Variants in FAM167A observed in about 807,000 individuals in gnomAD.
FAM167A encodes the protein protein FAM167A.
A neutral mutation model predicts 14.9 loss-of-function variants in FAM167A; 23 were observed. That is an observed-to-expected ratio of 1.55 (90% CI 1.11 to 2.19). The LOEUF is 2.19. FAM167A is among the 30% of genes most tolerant of loss of function. FAM167A has a pLI of 0.00. For missense variants in FAM167A, 401 were observed against 281.5 expected, an observed-to-expected ratio of 1.42 and a Z score of -3.04; for synonymous variants, 174 against 117.7, an observed-to-expected ratio of 1.48 and a Z score of -3.10.
At chr8:11,439,557 T>G (rs1456145148) in intron 2 of FAM167A, among the ~76,000 whole-genome samples, 3 of 134,352 alleles carry the variant, frequency 2.2e-5, no homozygotes, top group African/African-American at 7.4e-5. Flanking sequence ...TGAAAACTTG[T>G]CAAGGTTCTC....
At chr8:11,461,930 G>A (rs1008310042) in intron 1 of FAM167A, among the ~76,000 whole-genome samples, 1 of 152,212 alleles carries the variant, frequency 6.6e-6, no homozygotes, top group Admixed American at 6.5e-5. Context: ...GACCTCTCAG[G>A]GGCTAGAAGG....
intron 2 of FAM167A, among the ~76,000 whole-genome samples, chr8:11,441,377 T>C (rs1272400126): frequency 1.3e-5 from 2 of 152,238 alleles, no homozygotes; most frequent in African/African-American, 4.8e-5. Flanking sequence ...CCTTAGAGCT[T>C]GTTGGAAATT....
At chr8:11,446,541 C>A (rs66934548) in intron 1 of FAM167A, 23,337 of 152,188 alleles carry the variant, frequency 0.15, 2,116 homozygotes, top group Non-Finnish European at 0.21. Context: ...GAACCACTGT[C>A]TCCAGATGCA....
chr8:11,435,762 T>G (rs554933295), intron 2 of FAM167A, among the ~76,000 whole-genome samples: 1 of 152,348 alleles, frequency 6.6e-6, no homozygotes, highest in East Asian at 1.9e-4. Flanking sequence ...CCTCATCTGC[T>G]ACATGAGCAT....
intron 2 of FAM167A, chr8:11,438,603 A>G (rs1027140413): frequency 9.3e-6 from 4 of 428,306 alleles, no homozygotes; most frequent in Non-Finnish European, 1.8e-5. Context: ...AAACTATAAA[A>G]AAGTCAAAAG....
At chr8:11,467,197 C>A (rs1807810231), upstream of FAM167A, among the ~76,000 whole-genome samples, 2 of 152,240 alleles carry the variant, frequency 1.3e-5, no homozygotes, top group South Asian at 4.1e-4. Flanking sequence ...CGCCCCCCAA[C>A]GACCCAGCAG....
intron 2 of FAM167A, among the ~76,000 whole-genome samples, chr8:11,437,312 G>T (rs985042271): frequency 1.3e-5 from 2 of 152,180 alleles, no homozygotes; most frequent in Admixed American, 6.5e-5. Flanking sequence ...TGTGGCTACT[G>T]AATGATGTGA....
chr8:11,457,607 G>C (rs1269584093), intron 1 of FAM167A, among the ~76,000 whole-genome samples: 1 of 152,160 alleles, frequency 6.6e-6, no homozygotes, highest in Non-Finnish European at 1.5e-5. Context: ...ACTCAGAGCA[G>C]TGCCCGGCAC....
intron 1 of FAM167A, among the ~76,000 whole-genome samples, chr8:11,466,124 T>C (rs1184671416): frequency 6.6e-6 from 1 of 151,826 alleles, no homozygotes; most frequent in Non-Finnish European, 1.5e-5. Flanking sequence ...TTCCCTCAGG[T>C]CACACTGGCT....
intron 2 of FAM167A, among the ~76,000 whole-genome samples, chr8:11,436,148 G>A (rs1013213489): frequency 1.3e-5 from 2 of 152,216 alleles, no homozygotes; most frequent in Non-Finnish European, 2.9e-5. Context: ...GTTGGGTAGG[G>A]CTGTGTTATT....
At chr8:11,429,165 G>A (rs1479783720) in intron 2 of FAM167A, among the ~76,000 whole-genome samples, 1 of 152,068 alleles carries the variant, frequency 6.6e-6, no homozygotes, top group Non-Finnish European at 1.5e-5. Context: ...TCTACTTTCT[G>A]TCTGTATGAC....
rs555254008 is a variant in FAM167A, at chr8:11,424,277, C to G, written c.*96G>C. On this transcript the variant is annotated 3_prime_UTR_variant, in exon 3 of 3. Coordinates refer to ENST00000284486, the MANE Select transcript of FAM167A (RefSeq NM_053279.3). ...CGCCAGTCCCAGGGACCCCTGCCTC[C>G]GGGAGACCCACTGGAGTAACTTGGC... The G allele has an allele frequency of 1.8e-4, 269 of 1,535,466 alleles. 1 individual carries two copies. The African/African-American group carries it at 3.2e-3, about 18-fold the overall frequency.
At chr8:11,433,893 CCTTAT>C (rs1805797684) in intron 2 of FAM167A, 1 of 152,154 alleles carries the variant, frequency 6.6e-6, no homozygotes, top group African/African-American at 2.4e-5. Flanking sequence ...TAATCTCTTT[CCTTAT>C]CTTATTTAAC....
intron 1 of FAM167A, among the ~76,000 whole-genome samples, chr8:11,475,479 G>C (rs954365941): frequency 3.4e-4 from 52 of 152,030 alleles, no homozygotes; most frequent in African/African-American, 1.2e-3. Flanking sequence ...TAGGATCTCA[G>C]AGTCTAAAAG....
At chr8:11,471,711 A>G (rs1807966063), upstream of FAM167A, among the ~76,000 whole-genome samples, 1 of 152,240 alleles carries the variant, frequency 6.6e-6, no homozygotes, top group Non-Finnish European at 1.5e-5. Flanking sequence ...CGCTTTCTCC[A>G]GGCAAGATGG....
chr8:11,439,403 C>G (rs1393397069), intron 2 of FAM167A, among the ~76,000 whole-genome samples: 1 of 152,250 alleles, frequency 6.6e-6, no homozygotes, highest in African/African-American at 2.4e-5. Flanking sequence ...CCTGACATAC[C>G]AGAGTCTTGT....
chr8:11,457,549 C>T (rs930621230), intron 1 of FAM167A, among the ~76,000 whole-genome samples: 3 of 152,060 alleles, frequency 2.0e-5, no homozygotes, highest in African/African-American at 7.2e-5. Flanking sequence ...GATGCCAGCT[C>T]CTAGCAGGCA....
rs181270736 is a variant in FAM167A at position 11,432,809 on chromosome 8, A to G, written c.382-8173T>C. ...TTCACAATAGCAAAGACTTAGAACC[A>G]ACCCAAATGTCAATCAATGATAGAC... On this transcript the variant is annotated intron_variant, in intron 2 of 2. Coordinates refer to ENST00000284486, the MANE Select transcript of FAM167A (RefSeq NM_053279.3). Among the ~76,000 whole-genome samples, 765 of 152,374 alleles carry G rather than the reference A, an allele frequency of 5.0e-3. 5 individuals carry two copies. Among genetic ancestry groups the G allele is most frequent in the African/African-American group, 0.018 (732 of 41,578 alleles).
chr8:11,464,923 C>A (rs1563393683), intron 1 of FAM167A, among the ~76,000 whole-genome samples: 1 of 152,130 alleles, frequency 6.6e-6, no homozygotes, highest in South Asian at 2.1e-4. Context: ...GGAGGGGGGC[C>A]AAGCTAGTAG....
Sources: gnomAD v4.1 joint callset for allele counts (sites outside exome capture counted in the v4.1 genomes callset) on GRCh38, gnomAD v4.1.1 for gene constraint, MANE v1.5 for transcripts, NCBI Gene and HGNC (gene_info 2026-07-23, HGNC 2026-07-21) for gene names.